The following DNAH17 variants were observed in gnomAD, a reference collection of about 807,000 sequenced individuals.
DNAH17 encodes the protein dynein axonemal heavy chain 17, also known as axonemal beta dynein heavy chain 17.
In DNAH17, 376 loss-of-function variants were observed where a neutral mutation model predicts 485.6. That is an observed-to-expected ratio of 0.77 (90% CI 0.71 to 0.84). DNAH17 has a LOEUF of 0.84. Among genes scored for constraint, DNAH17 ranks in the 40% least tolerant of loss-of-function variants. The pLI is 0.00. For missense variants in DNAH17, 6,370 were observed against 5,839.3 expected, an observed-to-expected ratio of 1.09 and a Z score of -2.96; for synonymous variants, 3,031 against 2,405.9, an observed-to-expected ratio of 1.26 and a Z score of -7.60.
intron 55 of DNAH17, among the ~76,000 whole-genome samples, chr17:78,467,539 T>A (rs941792040): frequency 6.6e-6 from 1 of 152,134 alleles, no homozygotes; most frequent in African/African-American, 2.4e-5. Context: ...CTAATTGGGC[T>A]ATGCAGCCCG....
chr17:78,478,815 A>G lies in DNAH17; in HGVS notation c.7992+210T>C, dbSNP rs1314982577. 9.2e-6 allele frequency: 5 copies of G among 543,360 alleles called. No homozygotes were observed. The African/African-American group carries it at 9.9e-5, about 11-fold the overall frequency. The allele number at this position is 543,360 out of a possible 1,614,324, so 33.7% of individuals were successfully genotyped here. On this transcript the variant is annotated intron_variant, in intron 51 of 80. Coordinates refer to ENST00000389840, the MANE Select transcript of DNAH17 (RefSeq NM_173628.4). ...TAACCATCACTACCACCATCATCACATCACCATCATCACGACCATCACCAT... is the reference window on the plus strand; with the variant it reads ...TAACCATCACTACCACCATCATCACGTCACCATCATCACGACCATCACCAT...
Position 78,529,610 on chromosome 17 carries a change from C to A in DNAH17, c.3369G>T (p.Val1123=). Reference sequence around the variant, plus strand: ...CTTTCATCAGGTGCCCCATCACCTCCACAAGCCCATCATAGTCCCCCTCCT... The same window carrying A: ...CTTTCATCAGGTGCCCCATCACCTCAACAAGCCCATCATAGTCCCCCTCCT... The part of the protein sequence containing the change: ...PLKEGDYDGL[V]EVMGHLMKVK... The change falls in exon 22 of 81, where the codon GTG becomes GTT. Residue 1123 remains valine, a synonymous_variant. Transcript: ENST00000389840. 2 of 1,613,984 alleles carry A rather than the reference C, an allele frequency of 1.2e-6. No individual in the cohort carries two copies. The highest frequency in any genetic ancestry group is 2.2e-5 in the South Asian group (2 of 91,078).
rs962868251 is a variant in DNAH17 at position 78,444,580 on chromosome 17, C to A, written c.11528+24G>T. 5 of 1,525,516 alleles carry A rather than the reference C, an allele frequency of 3.3e-6. 1 individual carries two copies. The highest frequency in any genetic ancestry group is 2.2e-5 in the Admixed American group (1 of 45,082). The allele number at this position is 1,525,516 out of a possible 1,614,324, so 94.5% of individuals were successfully genotyped here. A position where few individuals can be genotyped will look rare whatever the true frequency, so the allele number is the denominator to read the frequency against. On this transcript the variant is annotated intron_variant, in intron 71 of 80. Transcript: ENST00000389840. ...TCAGGCCTGGGCCTCGGGGGCGGGG[C>A]CCCCGGCGCGGCGGGACACTCACTT... is the stretch of plus-strand genomic sequence containing the variant.
chr17:78,561,680 C>T (rs376736820), intron 12 of DNAH17, 35 bp downstream of exon 12: 353 of 1,567,662 alleles, frequency 2.3e-4, no homozygotes, highest in South Asian at 3.4e-4. Context: ...ACCATGGAGG[C>T]GGGGTGCCTG....
At position 78,445,686 on chromosome 17, in the gene DNAH17, G is replaced by T; in HGVS notation, c.11212-6C>A. The T allele has an allele frequency of 6.3e-7, 1 of 1,589,716 alleles. No homozygotes were observed. The highest frequency in any genetic ancestry group is 2.3e-5 in the East Asian group (1 of 43,758). On this transcript the variant is annotated splice_polypyrimidine_tract_variant and splice_region_variant and intron_variant, in intron 69 of 80. Transcript: ENST00000389840. ...TCCTTCTTCATGGACAGGACCTGGG[G>T]GAACATCGAGGTGTACACACTTAAC...
chr17:78,447,901 G>C (rs990088942), intron 69 of DNAH17, among the ~76,000 whole-genome samples: 9 of 151,296 alleles, frequency 5.9e-5, no homozygotes, highest in African/African-American at 2.2e-4. Context: ...GCCGGGTGCG[G>C]TGGCTCATGC....
rs559175244 is a variant in DNAH17, at chr17:78,571,748, C to G, written c.574G>C (p.Ala192Pro). The change falls in exon 4 of 81, where the codon GCC (alanine) becomes CCC (proline). Residue 192 changes from alanine (A) to proline (P), a missense_variant. Transcript: ENST00000389840. ...PSSLDNLLLH[A>P]IETTIIDWSH... is the part of the protein sequence containing the mutation. ...CAGTCGATGATGGTGGTTTCAATGG[C>G]GTGCAGGAGCAAGTTGTCCAGTGAA... The G allele has an allele frequency of 6.2e-7, 1 of 1,605,846 alleles. No homozygotes were observed. Among genetic ancestry groups the G allele is most frequent in the Admixed American group, 1.7e-5 (1 of 59,388 alleles).
chr17:78,532,531 TCTGTCCAGGTGTC>T lies in DNAH17; in HGVS notation c.3052_3064del (p.Asp1018MetfsTer67). The T allele has an allele frequency of 6.2e-7, 1 of 1,611,450 alleles. No homozygotes were observed. The highest frequency in any genetic ancestry group is 8.5e-7 in the Non-Finnish European group (1 of 1,179,068). On this transcript the variant is annotated frameshift_variant, in exon 20 of 81. Coordinates refer to ENST00000389840, the MANE Select transcript of DNAH17 (RefSeq NM_173628.4). LOFTEE classifies it high-confidence loss of function. ...GGGCGGTGTCTTGGGGATGGTGTCATCTGTCCAGGTGTCCAAGTCCTCCGCAGTGACTGCACAC... is the reference window on the plus strand; with the variant it reads ...GGGCGGTGTCTTGGGGATGGTGTCATCAAGTCCTCCGCAGTGACTGCACAC...
intron 18 of DNAH17, among the ~76,000 whole-genome samples, chr17:78,537,739 C>T (rs184732611): frequency 2.6e-5 from 4 of 152,342 alleles, no homozygotes; most frequent in East Asian, 1.9e-4. Flanking sequence ...ACTCAGACCT[C>T]GGTTCAAAGC....
chr17:78,550,298 A>G (rs1265561540), intron 16 of DNAH17, among the ~76,000 whole-genome samples: 1 of 152,272 alleles, frequency 6.6e-6, no homozygotes, highest in Non-Finnish European at 1.5e-5. Flanking sequence ...CGCCCCAGAC[A>G]GAGAGGACAG....
Position 78,486,103 on chromosome 17 carries a change from A to G in DNAH17, c.7132T>C (p.Trp2378Arg), listed in dbSNP as rs1568133977. The G allele has an allele frequency of 6.2e-7, 1 of 1,613,880 alleles. No homozygotes were observed. The change falls in exon 46 of 81, where the codon TGG becomes CGG. Residue 2378 changes from tryptophan to arginine, a missense_variant. Transcript: ENST00000389840. ...ATAGTCTTGAATTCGTTGATCCACC[A>G]TTTACTGAACTCCACTCGATAATCC... ...LVDYRVEFSK[W>R]WINEFKTIKF...
chr17:78,443,592 C>T (rs1416207326), intron 71 of DNAH17, among the ~76,000 whole-genome samples: 1 of 152,156 alleles, frequency 6.6e-6, no homozygotes, highest in Admixed American at 6.5e-5. Context: ...CTCTGTCACC[C>T]AGGCTGGAGC....
intron 75 of DNAH17, among the ~76,000 whole-genome samples, chr17:78,430,612 G>A (rs183103161): frequency 5.9e-5 from 9 of 152,222 alleles, no homozygotes; most frequent in East Asian, 1.9e-4. Context: ...ATGGAGTCTC[G>A]CTCTGTTGCC....
rs1201470876 is a variant in DNAH17, at chr17:78,439,161, G to A, written c.11734C>T (p.Gln3912Ter). ...NGKLHNVSLGQGQEVVAENAL... is the reference protein window; with the variant it reads ...NGKLHNVSLG Reference sequence around the variant, plus strand: ...TTCTCAGCCACCACCTCTTGTCCCTGCCCCAGGGACACATTATGGAGTTTT... The same window carrying A: ...TTCTCAGCCACCACCTCTTGTCCCTACCCCAGGGACACATTATGGAGTTTT... The change falls in exon 73 of 81, where the codon CAG becomes TAG. Residue 3912 changes from glutamine to a stop codon, truncating the protein, a stop_gained. Coordinates refer to ENST00000389840, the MANE Select transcript of DNAH17 (RefSeq NM_173628.4). LOFTEE classifies it high-confidence loss of function. The A allele has an allele frequency of 6.2e-7, 1 of 1,613,580 alleles. No homozygotes were observed. Among genetic ancestry groups the A allele is most frequent in the South Asian group, 1.1e-5 (1 of 91,078 alleles).
Position 78,441,138 on chromosome 17 carries a change from T to G in DNAH17, c.11590A>C (p.Lys3864Gln). ...FVEGRSVEFS[K>Q]SYEESSPSTS... ...GAGGGGCTGCTCTCCTCGTAGGACTTAGAAAACTCAACACTCCGGCCTTCC... is the reference window on the plus strand; with the variant it reads ...GAGGGGCTGCTCTCCTCGTAGGACTGAGAAAACTCAACACTCCGGCCTTCC... The change falls in exon 72 of 81, where the codon AAG becomes CAG. Residue 3864 changes from lysine to glutamine, a missense_variant. By Grantham distance (53) the Lys-to-Gln change is moderately conservative (BLOSUM62 1). Transcript: ENST00000389840. 6.2e-7 allele frequency: 1 copy of G among 1,613,940 alleles called. No individual in the cohort carries two copies. Among genetic ancestry groups the G allele is most frequent in the South Asian group, 1.1e-5 (1 of 91,084 alleles).
Position 78,570,243 on chromosome 17 carries a change from T to A in DNAH17, c.1044+4A>T. 1 of 1,576,612 alleles carries A rather than the reference T, an allele frequency of 6.3e-7. No individual in the cohort carries two copies. The highest frequency in any genetic ancestry group is 1.2e-5 in the South Asian group (1 of 85,720). On this transcript the variant is annotated splice_donor_region_variant and intron_variant, in intron 7 of 80. Transcript: ENST00000389840. Reference sequence around the variant, plus strand: ...AGGGGACCCAGGGGCCAGGGGAGGGTTACCATCTCGATGATTTGGTTGCAG... The same window carrying A: ...AGGGGACCCAGGGGCCAGGGGAGGGATACCATCTCGATGATTTGGTTGCAG...
At position 78,459,074 on chromosome 17, in the gene DNAH17, T is replaced by C; in HGVS notation, c.9788A>G (p.Gln3263Arg). The change falls in exon 61 of 81, where the codon CAG becomes CGG. Residue 3263 changes from glutamine (Q) to arginine (R), a missense_variant. Transcript: ENST00000389840. Reference protein sequence around the residue: ...EVYCDVAPKRQALEEANAELA... With the variant: ...EVYCDVAPKRRALEEANAELA... The stretch of plus-strand genomic sequence containing the variant: ...CTCTGCATTAGCCTCCTCCAGTGCC[T>C]GCCTCTTGGGCGCCACGTCGCAGTA... 1 of 1,614,052 alleles carries C rather than the reference T, an allele frequency of 6.2e-7. No individual in the cohort carries two copies. The highest frequency in any genetic ancestry group is 8.5e-7 in the Non-Finnish European group (1 of 1,179,898).
intron 75 of DNAH17, among the ~76,000 whole-genome samples, chr17:78,431,982 G>A (rs1371282235): frequency 1.3e-5 from 2 of 151,916 alleles, no homozygotes; most frequent in East Asian, 1.9e-4. Context: ...GACCAGCTTA[G>A]GCAACATGGT....
At chr17:78,531,376 G>A (rs2091234086) in intron 20 of DNAH17, among the ~76,000 whole-genome samples, 1 of 124,330 alleles carries the variant, frequency 8.0e-6, no homozygotes, top group Non-Finnish European at 1.6e-5. Flanking sequence ...GTCTTGCTCT[G>A]TCACCAGGCT....
Sources: gnomAD v4.1 joint callset for allele counts (sites outside exome capture counted in the v4.1 genomes callset) on GRCh38, gnomAD v4.1.1 for gene constraint, MANE v1.5 for transcripts, NCBI Gene and HGNC (gene_info 2026-07-23, HGNC 2026-07-21) for gene names.